Variants in KCNH7 observed in about 807,000 individuals in gnomAD.
KCNH7 encodes potassium voltage-gated channel subfamily H member 7, also known as voltage-gated inwardly rectifying potassium channel KCNH7.
In KCNH7, 49 loss-of-function variants were observed where a neutral mutation model predicts 120.8. The observed-to-expected ratio is 0.41, with a 90% CI of 0.32 to 0.51. The LOEUF (loss-of-function observed/expected upper bound fraction) is 0.51, where lower values mean the gene tolerates loss of function less well. Among genes scored for constraint, KCNH7 ranks in the 20% least tolerant of loss-of-function variants. The pLI, the probability that KCNH7 is intolerant of heterozygous loss-of-function variation, is 0.38. For synonymous variants in KCNH7, 547 were observed against 516.1 expected, an observed-to-expected ratio of 1.06 and a Z score of -0.81; for missense variants, 1,097 against 1,446.6, an observed-to-expected ratio of 0.76 and a Z score of 3.92.
At chr2:162,590,575 C>G (rs902859903) in intron 2 of KCNH7, among the ~76,000 whole-genome samples, 2 of 152,110 alleles carry the variant, frequency 1.3e-5, no homozygotes, top group African/African-American at 4.8e-5. Flanking sequence ...GCCATATTCT[C>G]TAGTCTTCCT....
chr2:162,694,942 C>T (rs1003985731), intron 2 of KCNH7, among the ~76,000 whole-genome samples: 14 of 151,854 alleles, frequency 9.2e-5, no homozygotes, highest in African/African-American at 3.4e-4. Context: ...GGGGTTTCAC[C>T]ATATTGGCCA....
At chr2:162,766,081 T>C (rs1243878326) in intron 2 of KCNH7, among the ~76,000 whole-genome samples, 2 of 152,158 alleles carry the variant, frequency 1.3e-5, no homozygotes, top group South Asian at 2.1e-4. Context: ...TTCATACTTA[T>C]TTTCTCCCTT....
chr2:162,575,750 A>G (rs1693648511), intron 2 of KCNH7, among the ~76,000 whole-genome samples: 1 of 152,076 alleles, frequency 6.6e-6, no homozygotes, highest in Non-Finnish European at 1.5e-5. Flanking sequence ...AACAGCATCT[A>G]TTTGTGAATT....
chr2:162,762,150 A>T (rs1340074102), intron 2 of KCNH7, among the ~76,000 whole-genome samples: 1 of 150,418 alleles, frequency 6.6e-6, no homozygotes, highest in Non-Finnish European at 1.5e-5. Flanking sequence ...TTCTCCAACT[A>T]CTCATTTTAT....
intron 2 of KCNH7, among the ~76,000 whole-genome samples, chr2:162,624,678 C>T (rs929972611): frequency 1.7e-4 from 26 of 152,046 alleles, no homozygotes; most frequent in African/African-American, 6.3e-4. Context: ...TTATGGGCTG[C>T]TATCATATAC....
At chr2:162,436,190 A>G (rs1474915285) in intron 7 of KCNH7, among the ~76,000 whole-genome samples, 3 of 152,116 alleles carry the variant, frequency 2.0e-5, no homozygotes, top group African/African-American at 7.2e-5. Context: ...TTAAAAATGA[A>G]GACCAAGAAG....
intron 2 of KCNH7, among the ~76,000 whole-genome samples, chr2:162,672,321 CAAT>C (rs1285073773): frequency 6.6e-6 from 1 of 151,972 alleles, no homozygotes; most frequent in Non-Finnish European, 1.5e-5. Context: ...TTTCTGATCA[CAAT>C]GATTCTGTTA....
chr2:162,525,115 G>A (rs564457748), intron 3 of KCNH7, among the ~76,000 whole-genome samples: 2 of 152,004 alleles, frequency 1.3e-5, no homozygotes, highest in East Asian at 2.0e-4. Context: ...GAGCAGATCC[G>A]ATCGGTAATG....
intron 6 of KCNH7, among the ~76,000 whole-genome samples, chr2:162,488,075 T>G (rs563773360): frequency 2.0e-5 from 3 of 152,316 alleles, no homozygotes; most frequent in African/African-American, 7.2e-5. Context: ...TCCCTGTGCT[T>G]CTTTTCTGTT....
Position 162,371,934 on chromosome 2 carries a change from G to GT in KCNH7, c.3485dup (p.Tyr1162Ter). Residue 1162 changes from tyrosine (Y) to a stop codon, truncating the protein, a stop_gained and frameshift_variant, in exon 16 of 16, where the codon TAC (tyrosine) becomes TAAC (stop). Coordinates refer to ENST00000332142, the MANE Select transcript of KCNH7 (RefSeq NM_033272.4). LOFTEE classifies it high-confidence loss of function. ...LELHLRQRKT[Y>*]VHPIRHPSLP... ...AAGAAGGATGCCTAATTGGATGAAC[G>GT]TAAGTTTTTCTTTGCCGCAGGTGAA... 1 of 1,613,824 alleles carries GT rather than the reference G, an allele frequency of 6.2e-7. No homozygotes were observed. The highest frequency in any genetic ancestry group is 8.5e-7 in the Non-Finnish European group (1 of 1,179,848).
chr2:162,633,501 T>C (rs1320807423), intron 2 of KCNH7, among the ~76,000 whole-genome samples: 2 of 150,072 alleles, frequency 1.3e-5, no homozygotes, highest in Non-Finnish European at 1.5e-5. Flanking sequence ...TTGTTATCTA[T>C]GTTATTTACT....
At chr2:162,560,330 C>G (rs991735803) in intron 2 of KCNH7, among the ~76,000 whole-genome samples, 1 of 152,184 alleles carries the variant, frequency 6.6e-6, no homozygotes, top group Non-Finnish European at 1.5e-5. Context: ...CTTCTTACCT[C>G]CTGGCAAGTG....
rs1475239407 is a variant in KCNH7, at chr2:162,683,116, T to C, written c.308-146036A>G. On this transcript the variant is annotated intron_variant, in intron 2 of 15. Coordinates refer to ENST00000332142, the MANE Select transcript of KCNH7 (RefSeq NM_033272.4). ...AAGTATAATACAGAAATGCTTTTACTGCTAAATGAACCAGAACTCTTTATT... is the reference window on the plus strand; with the variant it reads ...AAGTATAATACAGAAATGCTTTTACCGCTAAATGAACCAGAACTCTTTATT... 2.0e-5 allele frequency among the ~76,000 whole-genome samples: 3 copies of C among 151,836 alleles called. No homozygotes were observed. The East Asian group carries it at 5.8e-4, about 29-fold the overall frequency.
At chr2:162,746,374 G>T (rs944792489) in intron 2 of KCNH7, among the ~76,000 whole-genome samples, 10 of 152,044 alleles carry the variant, frequency 6.6e-5, no homozygotes, top group African/African-American at 2.2e-4. Flanking sequence ...ATATAAAAAA[G>T]AATTTTAGTT....
chr2:162,718,501 C>G (rs888024419), intron 2 of KCNH7, among the ~76,000 whole-genome samples: 2 of 151,912 alleles, frequency 1.3e-5, no homozygotes, highest in South Asian at 2.1e-4. Flanking sequence ...CTGTAGAGAA[C>G]ATGGTATGAA....
At position 162,825,730 on chromosome 2, in the gene KCNH7, G is replaced by A. The variant is rs535709708; in HGVS notation, c.307+10807C>T. Among the ~76,000 whole-genome samples, 247 of 151,982 alleles carry A rather than the reference G, an allele frequency of 1.6e-3. 1 individual carries two copies. Among genetic ancestry groups the A allele is most frequent in the Non-Finnish European group, 2.5e-3 (168 of 67,928 alleles). On this transcript the variant is annotated intron_variant, in intron 2 of 15. Transcript: ENST00000332142. ...TTCTGTGGATATTAAAACAATTATGGTCTGTGTAAAAATTTTATGTAATCA... is the reference window on the plus strand; with the variant it reads ...TTCTGTGGATATTAAAACAATTATGATCTGTGTAAAAATTTTATGTAATCA...
intron 9 of KCNH7, among the ~76,000 whole-genome samples, chr2:162,411,771 A>C (rs1443452127): frequency 6.6e-6 from 1 of 151,612 alleles, no homozygotes; most frequent in Non-Finnish European, 1.5e-5. Context: ...TTTTTAATTA[A>C]ATTTTTAAAA....
At chr2:162,450,718 A>C (rs1688739140) in intron 6 of KCNH7, among the ~76,000 whole-genome samples, 1 of 152,018 alleles carries the variant, frequency 6.6e-6, no homozygotes, top group Non-Finnish European at 1.5e-5. Context: ...TTTGAGAATT[A>C]TTAAATATTA....
intron 6 of KCNH7, among the ~76,000 whole-genome samples, chr2:162,453,372 A>G (rs903946677): frequency 1.3e-5 from 2 of 152,134 alleles, no homozygotes; most frequent in African/African-American, 4.8e-5. Flanking sequence ...ATTGATGGGC[A>G]TTTGTGTTGG....
Sources: gnomAD v4.1 joint callset for allele counts (sites outside exome capture counted in the v4.1 genomes callset) on GRCh38, gnomAD v4.1.1 for gene constraint, MANE v1.5 for transcripts, NCBI Gene and HGNC (gene_info 2026-07-23, HGNC 2026-07-21) for gene names.